The following PCDHGB4 variants were observed in gnomAD, a reference collection of about 807,000 sequenced individuals.
PCDHGB4 encodes the protein protocadherin gamma subfamily B, 4.
A neutral mutation model predicts 60.5 loss-of-function variants in PCDHGB4; 38 were observed. The observed-to-expected ratio is 0.63, with a 90% CI of 0.48 to 0.82. The LOEUF (loss-of-function observed/expected upper bound fraction) is 0.82. Ranked by LOEUF, PCDHGB4 falls within the 40% of genes least tolerant of loss-of-function variation. The pLI is 0.00. For synonymous variants in PCDHGB4, 456 were observed against 509.7 expected, an observed-to-expected ratio of 0.89 and a Z score of 1.42; for missense variants, 1,109 against 1,209.6, an observed-to-expected ratio of 0.92 and a Z score of 1.23.
chr5:141,414,752 ATG>A, intron 1 of PCDHGB4: 2 of 1,614,228 alleles, frequency 1.2e-6, no homozygotes, highest in Non-Finnish European at 1.7e-6. Context: ...TCCTTCGACT[ATG>A]AGCAGTTTCA....
rs762433242 is a variant in PCDHGB4, at chr5:141,476,856, C to A, written c.2398-17951C>A. 2.5e-6 allele frequency: 4 copies of A among 1,613,762 alleles called. No individual in the cohort carries two copies. In the East Asian group the frequency reaches 6.7e-5, roughly 27 times the overall value. ...GACAATGCGCCTGTCTTCAACCAGTCCTTGTACCGGGCGCGCGTCCTGGAG... is the reference window on the plus strand; with the variant it reads ...GACAATGCGCCTGTCTTCAACCAGTACTTGTACCGGGCGCGCGTCCTGGAG... On this transcript the variant is annotated intron_variant, in intron 1 of 3. Coordinates refer to ENST00000519479, the MANE Select transcript of PCDHGB4 (RefSeq NM_003736.4). This position sits in a 1 kb window ranked among gnomAD's most constrained non-coding sequence, Gnocchi z 7.6.
At chr5:141,499,272 GT>G (rs772636179) in intron 2 of PCDHGB4, among the ~76,000 whole-genome samples, 3 of 152,122 alleles carry the variant, frequency 2.0e-5, no homozygotes, top group Non-Finnish European at 4.4e-5. Flanking sequence ...TCCCTAGACT[GT>G]TCTCTGATGG....
At position 141,485,480 on chromosome 5, in the gene PCDHGB4, A is replaced by G. The variant is rs535194185; in HGVS notation, c.2398-9327A>G. On this transcript the variant is annotated intron_variant, in intron 1 of 3. Transcript: ENST00000519479. The surrounding 1 kb of genome is among the most constrained non-coding windows in gnomAD (Gnocchi z 5.7). Reference sequence around the variant, plus strand: ...ACTGTGTGGGCTCAGTGCCAGCTGCATCGTGCCCCTGGAGTTTGTCACCGA... The same window carrying G: ...ACTGTGTGGGCTCAGTGCCAGCTGCGTCGTGCCCCTGGAGTTTGTCACCGA... The G allele has an allele frequency of 2.5e-6, 4 of 1,614,154 alleles. No individual in the cohort carries two copies. The South Asian group carries it at 3.3e-5, about 13-fold the overall frequency.
intron 1 of PCDHGB4, chr5:141,421,360 T>G (rs549572548): frequency 6.2e-7 from 1 of 1,613,980 alleles, no homozygotes; most frequent in African/African-American, 1.3e-5. Context: ...AAAGGGCTCC[T>G]TCGTGGGCAA....
intron 2 of PCDHGB4, among the ~76,000 whole-genome samples, chr5:141,501,331 ACACC>A (rs747366952): frequency 1.4e-5 from 2 of 138,844 alleles, no homozygotes; most frequent in Non-Finnish European, 3.2e-5. Context: ...ACACACACAC[ACACC>A]CCAAACTCAA....
At chr5:141,407,881 C>T in intron 1 of PCDHGB4, 2 of 375,244 alleles carry the variant, frequency 5.3e-6, no homozygotes, top group Non-Finnish European at 9.5e-6. Context: ...ATATACATTT[C>T]GGAGACCGAA....
chr5:141,388,558 C>G lies in PCDHGB4; in HGVS notation c.674C>G (p.Thr225Ser). The G allele has an allele frequency of 6.2e-7, 1 of 1,613,910 alleles. No homozygotes were observed. The highest frequency in any genetic ancestry group is 8.5e-7 in the Non-Finnish European group (1 of 1,179,868). ...TTTGGAGCTCCACCCCTAAGCAGCA[C>G]TGCACAGATACACGTTCTAGTGACT... ...LDFGAPPLSS[T>S]AQIHVLVTDA... Residue 225 changes from threonine (T) to serine (S), a missense_variant, in exon 1 of 4, where the codon ACT becomes AGT. Physicochemically the swap from Thr to Ser is moderately conservative, Grantham distance 58. Transcript: ENST00000519479.
chr5:141,409,600 G>A (rs778681839), intron 1 of PCDHGB4: 1 of 1,613,764 alleles, frequency 6.2e-7, no homozygotes. Context: ...AGAACAACCC[G>A]CCAGGAGCCT....
At chr5:141,426,514 G>A (rs867794856) in intron 1 of PCDHGB4, 22 of 340,738 alleles carry the variant, frequency 6.5e-5, no homozygotes, top group Non-Finnish European at 8.2e-5. Context: ...ATACTTTACC[G>A]TGAACACGGA....
chr5:141,421,923 G>T (rs2096611568), intron 1 of PCDHGB4: 1 of 1,613,590 alleles, frequency 6.2e-7, no homozygotes. Flanking sequence ...TTCGTGTGGT[G>T]GTCCTCGATG....
At chr5:141,471,046 C>CTTT (rs1170588345) in intron 1 of PCDHGB4, among the ~76,000 whole-genome samples, 3 of 113,252 alleles carry the variant, frequency 2.6e-5, no homozygotes, top group Non-Finnish European at 5.4e-5. Context: ...CCCAAGCCCT[C>CTTT]TTTTTTTTTT....
intron 1 of PCDHGB4, chr5:141,423,330 C>G (rs932335651): frequency 9.9e-6 from 16 of 1,614,056 alleles, no homozygotes; most frequent in Middle Eastern, 1.6e-4. Flanking sequence ...TGGCCGCAGT[C>G]TCCTGCATCT....
Position 141,491,287 on chromosome 5 carries a change from C to T in PCDHGB4, c.2398-3520C>T, listed in dbSNP as rs1562145447. 2 of 1,614,030 alleles carry T rather than the reference C, an allele frequency of 1.2e-6. No homozygotes were observed. Among genetic ancestry groups the T allele is most frequent in the Admixed American group, 1.7e-5 (1 of 60,032 alleles). On this transcript the variant is annotated intron_variant, in intron 1 of 3. Coordinates refer to ENST00000519479, the MANE Select transcript of PCDHGB4 (RefSeq NM_003736.4). The surrounding 1 kb of genome is among the most constrained non-coding windows in gnomAD (Gnocchi z 6.9). ...GCCCAAATCCAGTGACTTCCTCATA[C>T]ACCCTCCTGAGCGTTCAGACCTTAC... is the stretch of plus-strand genomic sequence containing the variant.
chr5:141,421,487 C>G (rs1447180364), intron 1 of PCDHGB4: 2 of 1,614,094 alleles, frequency 1.2e-6, no homozygotes, highest in Non-Finnish European at 1.7e-6. Context: ...AGCTTGATCA[C>G]GGCAGGCAGG....
rs779651957 is a variant in PCDHGB4, at chr5:141,431,167, T to G, written c.2397+40886T>G. 2 of 1,614,118 alleles carry G rather than the reference T, an allele frequency of 1.2e-6. No individual in the cohort carries two copies. Among genetic ancestry groups the G allele is most frequent in the Non-Finnish European group, 1.7e-6 (2 of 1,180,014 alleles). The stretch of plus-strand genomic sequence containing the variant: ...ACAATGCGCCTTACTTTCGTGAAAG[T>G]GAATTAGAAATAAAAATTAGTGAAA... On this transcript the variant is annotated intron_variant, in intron 1 of 3. Transcript: ENST00000519479. The surrounding 1 kb of genome is among the most constrained non-coding windows in gnomAD (Gnocchi z 4.8).
chr5:141,478,106 G>A (rs1474192496), intron 1 of PCDHGB4: 1 of 1,613,928 alleles, frequency 6.2e-7, no homozygotes, highest in Non-Finnish European at 8.5e-7. Context: ...TACCCTCACT[G>A]TGTCAGTAAC....
rs201673318 is a variant in PCDHGB4, at chr5:141,421,626, C to G, written c.2397+31345C>G. On this transcript the variant is annotated intron_variant, in intron 1 of 3. Coordinates refer to ENST00000519479, the MANE Select transcript of PCDHGB4 (RefSeq NM_003736.4). ...TAGATATTAATGATAACGCCCCCAG[C>G]TTCCAGGAGGACGAAGTGGAGATAA... 1.9e-6 allele frequency: 3 copies of G among 1,613,842 alleles called. No individual in the cohort carries two copies. In the African/African-American group the frequency reaches 4.0e-5, roughly 21 times the overall value.
chr5:141,428,015 A>G, intron 1 of PCDHGB4: 5 of 1,604,042 alleles, frequency 3.1e-6, no homozygotes, highest in Non-Finnish European at 3.4e-6. Flanking sequence ...ATATAGTGCC[A>G]CGCGCCGCAG....
intron 1 of PCDHGB4, among the ~76,000 whole-genome samples, chr5:141,468,777 A>T (rs2099178581): frequency 6.7e-6 from 1 of 150,364 alleles, no homozygotes; most frequent in Non-Finnish European, 1.5e-5. Flanking sequence ...GAGGCAGGAG[A>T]ATGGCGTGAA....
Sources: allele counts gnomAD v4.1 joint callset (sites outside exome capture counted in the v4.1 genomes callset), GRCh38; gene constraint gnomAD v4.1.1; non-coding constraint Gnocchi (gnomAD v3.1); transcripts MANE v1.5; gene names NCBI Gene and HGNC (gene_info 2026-07-23, HGNC 2026-07-21).